The following TRABD2A variants were observed in gnomAD, a reference collection of about 807,000 sequenced individuals.
TRABD2A encodes TraB domain containing 2A, also known as metalloprotease TIKI1.
A neutral mutation model predicts 45.6 loss-of-function variants in TRABD2A; 43 were observed. The observed-to-expected ratio is 0.94, with a 90% confidence interval of 0.74 to 1.22. TRABD2A has a LOEUF of 1.22. TRABD2A is among the 50% of genes most tolerant of loss of function. The probability of loss-of-function intolerance (pLI) is 0.00; values close to 1 mark genes in which losing one functional copy is unlikely to be tolerated. For missense variants in TRABD2A, 642 were observed against 652.4 expected, an observed-to-expected ratio of 0.98 and a Z score of 0.17; for synonymous variants, 269 against 265.0, an observed-to-expected ratio of 1.02 and a Z score of -0.15.
chr2:84,837,357 G>C (rs1681552233), intron 4 of TRABD2A: 3 of 152,202 alleles, frequency 2.0e-5, no homozygotes, highest in South Asian at 4.1e-4. Context: ...GTAAGTCCAA[G>C]ATATTAACTT....
At chr2:84,866,849 C>T (rs2105405231) in intron 2 of TRABD2A, among the ~76,000 whole-genome samples, 1 of 152,302 alleles carries the variant, frequency 6.6e-6, no homozygotes, top group East Asian at 1.9e-4. Flanking sequence ...CTTTGGGAGA[C>T]TGAGGCAGGA....
Position 84,832,199 on chromosome 2 carries a change from A to G in TRABD2A, c.992-54T>C, listed in dbSNP as rs140346397. The G allele has an allele frequency of 9.5e-6, 15 of 1,570,852 alleles. No individual in the cohort carries two copies. The African/African-American group carries it at 1.5e-4, about 16-fold the overall frequency. ...TGCAGCTCTCAGGACCACCAAACATACTCCCCAAACACACACCCTAGAACC... is the reference window on the plus strand; with the variant it reads ...TGCAGCTCTCAGGACCACCAAACATGCTCCCCAAACACACACCCTAGAACC... On this transcript the variant is annotated intron_variant, in intron 4 of 6. Transcript: ENST00000409520.
chr2:84,833,706 AG>A (rs1315793985), intron 4 of TRABD2A: 2 of 151,854 alleles, frequency 1.3e-5, no homozygotes. Flanking sequence ...AAGCAGCTAC[AG>A]GAATATAACT....
chr2:84,859,062 C>G (rs1323192338), intron 2 of TRABD2A, among the ~76,000 whole-genome samples: 1 of 152,230 alleles, frequency 6.6e-6, no homozygotes, highest in East Asian at 1.9e-4. Context: ...GAGCCACACA[C>G]CGACTACTGC....
chr2:84,829,363 AACACACACACACACACACAC>A (rs146287038), intron 5 of TRABD2A, among the ~76,000 whole-genome samples: 4 of 145,712 alleles, frequency 2.7e-5, no homozygotes, highest in African/African-American at 1.0e-4. Flanking sequence ...AACAACCAGC[AACACACACACACACACACAC>A]ACACACACAC....
chr2:84,874,399 C>T (rs146736447), intron 1 of TRABD2A, among the ~76,000 whole-genome samples: 2 of 152,352 alleles, frequency 1.3e-5, no homozygotes, highest in African/African-American at 4.8e-5. Flanking sequence ...CTGCATTCAA[C>T]ACAATTATTT....
At chr2:84,880,861 G>A in intron 1 of TRABD2A, 71 bp downstream of exon 1, 3 of 1,540,766 alleles carry the variant, frequency 1.9e-6, no homozygotes, top group Non-Finnish European at 2.6e-6. Context: ...GCTGCTTCGC[G>A]GGGTTCGGAG....
At chr2:84,845,292 C>T (rs1008787669) in intron 2 of TRABD2A, among the ~76,000 whole-genome samples, 10 of 152,312 alleles carry the variant, frequency 6.6e-5, no homozygotes, top group Non-Finnish European at 1.3e-4. Flanking sequence ...GCAGAGGTTG[C>T]AGTGAGCTGA....
At chr2:84,854,314 AACTG>A (rs1174250462) in intron 2 of TRABD2A, among the ~76,000 whole-genome samples, 1 of 152,142 alleles carries the variant, frequency 6.6e-6, no homozygotes, top group Admixed American at 6.5e-5. Context: ...ACTGAGGGAC[AACTG>A]TACAGGCTAG....
At chr2:84,864,577 G>A (rs1573948147) in intron 2 of TRABD2A, among the ~76,000 whole-genome samples, 2 of 152,126 alleles carry the variant, frequency 1.3e-5, no homozygotes, top group Admixed American at 1.3e-4. Flanking sequence ...AACTCTTGCT[G>A]TGACCCCAGG....
At chr2:84,826,354 G>T (rs1483821285) in intron 5 of TRABD2A, among the ~76,000 whole-genome samples, 1 of 152,178 alleles carries the variant, frequency 6.6e-6, no homozygotes, top group Non-Finnish European at 1.5e-5. Context: ...CCTGGGTGGG[G>T]GTTGGAGAGT....
chr2:84,841,154 T>C (rs1681697556), intron 3 of TRABD2A, among the ~76,000 whole-genome samples: 1 of 152,214 alleles, frequency 6.6e-6, no homozygotes, highest in Non-Finnish European at 1.5e-5. Flanking sequence ...TATTTGCATG[T>C]AGTCCTAGAG....
intron 2 of TRABD2A, among the ~76,000 whole-genome samples, chr2:84,865,754 C>T (rs1238959892): frequency 6.6e-6 from 1 of 152,160 alleles, no homozygotes. Context: ...ATGCCCGGAG[C>T]CTGTCCATAG....
At chr2:84,827,828 A>T (rs766655804) in intron 5 of TRABD2A, among the ~76,000 whole-genome samples, 1 of 152,180 alleles carries the variant, frequency 6.6e-6, no homozygotes, top group African/African-American at 2.4e-5. Context: ...GGCTTTGAAG[A>T]TGGAAGGCTC....
At chr2:84,826,229 A>C (rs1681141706) in intron 5 of TRABD2A, among the ~76,000 whole-genome samples, 1 of 152,186 alleles carries the variant, frequency 6.6e-6, no homozygotes, top group African/African-American at 2.4e-5. Context: ...GAAACAGTGG[A>C]TCCTCACAGT....
At chr2:84,870,822 G>C (rs1441093357) in intron 1 of TRABD2A, 37 bp from the exon 2 acceptor site, 1 of 1,507,180 alleles carries the variant, frequency 6.6e-7, no homozygotes, top group Non-Finnish European at 8.9e-7. Flanking sequence ...GTATAATATG[G>C]GGGAGAGGCA....
chr2:84,853,678 G>A (rs1682176697), intron 2 of TRABD2A, among the ~76,000 whole-genome samples: 1 of 152,196 alleles, frequency 6.6e-6, no homozygotes. Context: ...GCTGGAAGGG[G>A]GGATTCTCCT....
intron 2 of TRABD2A, among the ~76,000 whole-genome samples, chr2:84,857,056 C>T (rs999411826): frequency 5.3e-5 from 8 of 151,926 alleles, no homozygotes; most frequent in Non-Finnish European, 8.8e-5. Flanking sequence ...AAGAAGACAC[C>T]GTCTGCAAGC....
chr2:84,852,105 G>C (rs1322151868), intron 2 of TRABD2A, among the ~76,000 whole-genome samples: 14 of 152,142 alleles, frequency 9.2e-5, no homozygotes, highest in Non-Finnish European at 2.9e-5. Context: ...TTATGTTGTG[G>C]GGAGGGACAC....
Sources: allele counts gnomAD v4.1 joint callset (sites outside exome capture counted in the v4.1 genomes callset), GRCh38; gene constraint gnomAD v4.1.1; transcripts MANE v1.5; gene names NCBI Gene and HGNC (gene_info 2026-07-23, HGNC 2026-07-21).